Variants in USP31 observed in about 807,000 individuals in gnomAD.
USP31 encodes ubiquitin specific peptidase 31.
USP31 carries 44 observed loss-of-function variants against 119.4 expected under a neutral mutation model. That is an observed-to-expected ratio of 0.37 (90% CI 0.29 to 0.47). The LOEUF (loss-of-function observed/expected upper bound fraction) is 0.47, where lower values mean the gene tolerates loss of function less well. USP31 is among the 20% of genes least tolerant of loss of function. USP31 has a pLI of 0.99. For missense variants in USP31, 1,643 were observed against 1,730.2 expected (o/e 0.95, Z 0.89); for synonymous variants, 749 against 705.6 (o/e 1.06, Z -0.97).
chr16:23,103,072 C>T (rs1901950042), intron 5 of USP31, among the ~76,000 whole-genome samples: 2 of 152,186 alleles, frequency 1.3e-5, no homozygotes. Context: ...TGATGCAGAA[C>T]TCTATGACTC....
rs7194893 is a variant in USP31 at position 23,063,803 on chromosome 16, A to G, written c.*4243T>C. 4.0e-3 allele frequency: 608 copies of G among 152,090 alleles called. 7 individuals carry two copies. Among genetic ancestry groups the G allele is most frequent in the African/African-American group, 0.013 (553 of 41,486 alleles). The allele number at this position is 152,090 out of a possible 1,614,324, so 9.4% of individuals were successfully genotyped here. On this transcript the variant is annotated 3_prime_UTR_variant, in exon 16 of 16. Transcript: ENST00000219689. ...GTTTGCTTGCATAGGTAGTAAGAGCATGCTTTCTGAGTTATATGGAGGCCA... is the reference window on the plus strand; with the variant it reads ...GTTTGCTTGCATAGGTAGTAAGAGCGTGCTTTCTGAGTTATATGGAGGCCA...
intron 7 of USP31, among the ~76,000 whole-genome samples, chr16:23,088,211 TCACA>T (rs1901198572): frequency 6.6e-6 from 1 of 152,072 alleles, no homozygotes; most frequent in African/African-American, 2.4e-5. Context: ...CTGGAAGGTC[TCACA>T]GACAGGCAGC....
At chr16:23,101,259 T>A (rs748547451) in intron 6 of USP31, among the ~76,000 whole-genome samples, 4 of 152,188 alleles carry the variant, frequency 2.6e-5, no homozygotes, top group Non-Finnish European at 5.9e-5. Flanking sequence ...TCAACAGCTC[T>A]ATGAGAATTT....
intron 5 of USP31, 151 bp from the exon 6 acceptor site, chr16:23,102,614 T>C: frequency 3.7e-6 from 3 of 807,612 alleles, no homozygotes; most frequent in East Asian, 2.8e-5. Context: ...AATGAGAGAA[T>C]CCTGGAAGCA....
chr16:23,090,884 G>C, intron 6 of USP31, 80 bp from the exon 7 acceptor site: 1 of 1,317,626 alleles, frequency 7.6e-7, no homozygotes, highest in Non-Finnish European at 9.9e-7. Flanking sequence ...TTACCCAACA[G>C]AGAAAATTTT....
chr16:23,092,041 A>G (rs1354886942), intron 6 of USP31, among the ~76,000 whole-genome samples: 2 of 152,088 alleles, frequency 1.3e-5, no homozygotes, highest in Non-Finnish European at 2.9e-5. Context: ...TCAACTGCAC[A>G]GAAATCAAGC....
At chr16:23,123,405 G>A (rs1902741884) in intron 1 of USP31, among the ~76,000 whole-genome samples, 1 of 152,070 alleles carries the variant, frequency 6.6e-6, no homozygotes, top group East Asian at 1.9e-4. Context: ...AGGCGTGTTG[G>A]TGCCCGCCTG....
intron 6 of USP31, among the ~76,000 whole-genome samples, chr16:23,097,740 T>C (rs1369182460): frequency 6.6e-6 from 1 of 152,176 alleles, no homozygotes; most frequent in African/African-American, 2.4e-5. Flanking sequence ...ATTATCTCAA[T>C]AGATGCAGAA....
At chr16:23,100,754 G>C (rs1464323512) in intron 6 of USP31, among the ~76,000 whole-genome samples, 1 of 152,150 alleles carries the variant, frequency 6.6e-6, no homozygotes, top group Non-Finnish European at 1.5e-5. Context: ...AAGAAAAAAA[G>C]AGAGAGAGAA....
intron 14 of USP31, 58 bp downstream of exon 14, chr16:23,073,664 C>T: frequency 6.3e-7 from 1 of 1,586,802 alleles, no homozygotes; most frequent in Middle Eastern, 2.3e-4. Context: ...TCCTCTAGAC[C>T]ATTCATTACA....
intron 1 of USP31, among the ~76,000 whole-genome samples, chr16:23,119,873 T>C (rs1038080049): frequency 6.6e-6 from 1 of 152,180 alleles, no homozygotes; most frequent in African/African-American, 2.4e-5. Flanking sequence ...ACTCCATCTG[T>C]CTTTCATCAG....
Position 23,082,419 on chromosome 16 carries a change from G to A in USP31, c.1950+19C>T, listed in dbSNP as rs1261851222. On this transcript the variant is annotated intron_variant, in intron 12 of 15. Coordinates refer to ENST00000219689, the MANE Select transcript of USP31 (RefSeq NM_020718.4). Reference sequence around the variant, plus strand: ...CTTGTCACAACTTGTTTGTTCCTGAGGATAAAGGATTTCCATACCTGCCGA... The same window carrying A: ...CTTGTCACAACTTGTTTGTTCCTGAAGATAAAGGATTTCCATACCTGCCGA... The A allele has an allele frequency of 6.2e-7, 1 of 1,613,340 alleles. No individual in the cohort carries two copies. Among genetic ancestry groups the A allele is most frequent in the South Asian group, 1.1e-5 (1 of 91,012 alleles).
chr16:23,098,875 G>A (rs1901729390), intron 6 of USP31, among the ~76,000 whole-genome samples: 1 of 152,164 alleles, frequency 6.6e-6, no homozygotes, highest in Admixed American at 6.5e-5. Flanking sequence ...AACCCTAGAA[G>A]AAAACCTAGG....
intron 1 of USP31, among the ~76,000 whole-genome samples, chr16:23,126,620 C>G (rs989377258): frequency 6.8e-6 from 1 of 147,836 alleles, no homozygotes; most frequent in Non-Finnish European, 1.5e-5. Flanking sequence ...GAGCAAGACT[C>G]TGTCTCAAAA....
rs1388800903 is a variant in USP31 at position 23,063,584 on chromosome 16, ATACTT to A, written c.*4457_*4461del. On this transcript the variant is annotated 3_prime_UTR_variant, in exon 16 of 16. Transcript: ENST00000219689. Reference sequence around the variant, plus strand: ...ATCCAATTCCACTTCTGCTTGCAAAATACTTTACAATCTCGCCAATGATCAGAAAA... The same window carrying A: ...ATCCAATTCCACTTCTGCTTGCAAAATACAATCTCGCCAATGATCAGAAAA... 1 of 152,576 alleles carries A rather than the reference ATACTT, an allele frequency of 6.6e-6. No homozygotes were observed. Among genetic ancestry groups the A allele is most frequent in the Non-Finnish European group, 1.5e-5 (1 of 68,024 alleles). 9.5% of individuals were successfully genotyped at this position (152,576 alleles called of 1,614,324 possible). A position where few individuals can be genotyped will look rare whatever the true frequency, so the allele number is the denominator to read the frequency against.
At position 23,066,082 on chromosome 16, in the gene USP31, C is replaced by T. The variant is rs1364580670; in HGVS notation, c.*1964G>A. ...TGACAGCATCGAAGGCAGCCAGTTG[C>T]CGCAGATGTACTGAGCAGATGAGAG... is the stretch of plus-strand genomic sequence containing the variant. On this transcript the variant is annotated 3_prime_UTR_variant, in exon 16 of 16. Coordinates refer to ENST00000219689, the MANE Select transcript of USP31 (RefSeq NM_020718.4). 2.0e-5 allele frequency: 3 copies of T among 152,314 alleles called. No homozygotes were observed. Among genetic ancestry groups the T allele is most frequent in the East Asian group, 1.9e-4 (1 of 5,178 alleles). 9.4% of individuals were successfully genotyped at this position (152,314 alleles called of 1,614,324 possible).
rs1249408467 is a variant in USP31, at chr16:23,069,503, A to C, written c.2602T>G (p.Ser868Ala). 1 of 1,614,244 alleles carries C rather than the reference A, an allele frequency of 6.2e-7. No homozygotes were observed. Among genetic ancestry groups the C allele is most frequent in the Admixed American group, 1.7e-5 (1 of 60,026 alleles). ...CGCATCTGCAGCTTAGCAGACAGGG[A>C]CCATGAAGGTCTCATGCAATTTTCA... ...VNENCMRPSWSLSAKLQMRSN... is the reference protein window; with the variant it reads ...VNENCMRPSWALSAKLQMRSN... The change falls in exon 16 of 16, where the codon TCC (serine) becomes GCC (alanine). Residue 868 changes from serine to alanine, a missense_variant. Ser to Ala is a moderately conservative substitution (Grantham distance 99). This residue lies in a region of USP31 where 699 missense variants were observed against 650.9 expected (regional missense o/e 1.07). Transcript: ENST00000219689.
At chr16:23,138,967 G>T (rs1198512029) in intron 1 of USP31, among the ~76,000 whole-genome samples, 1 of 152,122 alleles carries the variant, frequency 6.6e-6, no homozygotes, top group East Asian at 1.9e-4. Flanking sequence ...GAGGGCATGG[G>T]CCACTTCACT....
chr16:23,065,965 G>C lies in USP31; in HGVS notation c.*2081C>G, dbSNP rs1161109219. On this transcript the variant is annotated 3_prime_UTR_variant, in exon 16 of 16. Coordinates refer to ENST00000219689, the MANE Select transcript of USP31 (RefSeq NM_020718.4). ...TCCTGATATAGATGATCTCTTATTT[G>C]GTGCATCTTTTTCAGGAGATAAAAG... The C allele has an allele frequency of 6.6e-6, 1 of 152,160 alleles. No homozygotes were observed. Among genetic ancestry groups the C allele is most frequent in the Non-Finnish European group, 1.5e-5 (1 of 68,038 alleles). 9.4% of individuals were successfully genotyped at this position (152,160 alleles called of 1,614,324 possible).
Sources: gnomAD v4.1 joint callset for allele counts (sites outside exome capture counted in the v4.1 genomes callset) on GRCh38, gnomAD v4.1.1 for gene constraint, gnomAD v4.1.1 regional missense constraint, MANE v1.5 for transcripts, NCBI Gene and HGNC (gene_info 2026-07-23, HGNC 2026-07-21) for gene names.